Variants in ATP2B2 observed in about 807,000 individuals in gnomAD.
The protein encoded by ATP2B2 is ATPase plasma membrane Ca2+ transporting 2, also known as plasma membrane calcium-transporting ATPase 2.
In ATP2B2, 15 loss-of-function variants were observed where a neutral mutation model predicts 120.0. The ratio of observed to expected loss-of-function variants is 0.12; its 90% CI spans 0.08 to 0.19. The LOEUF (loss-of-function observed/expected upper bound fraction) is 0.19, where lower values mean the gene tolerates loss of function less well. ATP2B2 is among the 10% of genes least tolerant of loss of function. The pLI is 1.00. For missense variants in ATP2B2, 1,045 were observed against 1,719.8 expected (o/e 0.61, Z 6.94); for synonymous variants, 694 against 700.3 (o/e 0.99, Z 0.14).
chr3:10,467,841 C>G (rs2064814446), intron 1 of ATP2B2, among the ~76,000 whole-genome samples: 1 of 152,146 alleles, frequency 6.6e-6, no homozygotes, highest in Non-Finnish European at 1.5e-5. Flanking sequence ...ATAACCACCC[C>G]CTGCTGCTCC....
chr3:10,381,974 T>C (rs1274226481), intron 8 of ATP2B2, among the ~76,000 whole-genome samples: 2 of 97,966 alleles, frequency 2.0e-5, no homozygotes, highest in Admixed American at 1.8e-4. Flanking sequence ...CTCTGTGAAA[T>C]GGATATCAAC....
intron 10 of ATP2B2, among the ~76,000 whole-genome samples, chr3:10,376,789 T>G (rs549685795): frequency 6.4e-4 from 97 of 152,160 alleles, no homozygotes; most frequent in Non-Finnish European, 1.2e-3. Flanking sequence ...GACCCTAGAG[T>G]TCTGGGCAGC....
chr3:10,462,830 C>G (rs2064553786), intron 1 of ATP2B2, among the ~76,000 whole-genome samples: 1 of 152,132 alleles, frequency 6.6e-6, no homozygotes, highest in Admixed American at 6.5e-5. Flanking sequence ...CCACATCCCA[C>G]CTGATTGGCT....
chr3:10,677,958 T>C (rs1485570216), intron 1 of ATP2B2, among the ~76,000 whole-genome samples: 2 of 152,300 alleles, frequency 1.3e-5, no homozygotes, highest in African/African-American at 4.8e-5. Flanking sequence ...GCAGGTATTG[T>C]GGACATGCCC....
intron 1 of ATP2B2, among the ~76,000 whole-genome samples, chr3:10,482,879 C>CT (rs2065470971): frequency 6.6e-6 from 1 of 152,268 alleles, no homozygotes; most frequent in South Asian, 2.1e-4. Flanking sequence ...CATGAGGGCC[C>CT]TGCCCATCCA....
chr3:10,412,221 G>C (rs1024184191), intron 2 of ATP2B2, among the ~76,000 whole-genome samples: 1 of 152,184 alleles, frequency 6.6e-6, no homozygotes, highest in African/African-American at 2.4e-5. Flanking sequence ...TAAACTCCCT[G>C]GTACTGGGGT....
At chr3:10,500,904 C>G (rs1394280977) in intron 1 of ATP2B2, among the ~76,000 whole-genome samples, 1 of 152,218 alleles carries the variant, frequency 6.6e-6, no homozygotes, top group Non-Finnish European at 1.5e-5. Flanking sequence ...GGGCAGTGGG[C>G]AGGAGAAGCT....
chr3:10,559,438 C>G (rs1251779133), intron 2 of ATP2B2, among the ~76,000 whole-genome samples: 3 of 152,068 alleles, frequency 2.0e-5, no homozygotes, highest in Admixed American at 6.6e-5. Flanking sequence ...GATGGATATG[C>G]TAATTACCCT....
At chr3:10,683,766 A>G (rs1399300070) in intron 1 of ATP2B2, among the ~76,000 whole-genome samples, 5,386 of 43,886 alleles carry the variant, frequency 0.12, 186 homozygotes, top group African/African-American at 0.15. Context: ...GTGTGTATAT[A>G]TATATATATA....
At chr3:10,589,658 T>A (rs1376694346) in intron 2 of ATP2B2, among the ~76,000 whole-genome samples, 1 of 152,158 alleles carries the variant, frequency 6.6e-6, no homozygotes, top group African/African-American at 2.4e-5. Context: ...CAGCCCTTGA[T>A]GAAATCATGT....
chr3:10,422,244 T>C (rs113324723), intron 2 of ATP2B2, among the ~76,000 whole-genome samples: 1 of 152,208 alleles, frequency 6.6e-6, no homozygotes, highest in African/African-American at 2.4e-5. Context: ...ACGTGCCCCC[T>C]GTAAGAGCCA....
intron 1 of ATP2B2, among the ~76,000 whole-genome samples, chr3:10,632,914 T>A (rs1273463564): frequency 1.3e-5 from 2 of 152,232 alleles, no homozygotes; most frequent in African/African-American, 4.8e-5. Context: ...TCACCCTGAC[T>A]GGCTGGAGGG....
chr3:10,489,923 G>A (rs867780890), intron 1 of ATP2B2, among the ~76,000 whole-genome samples: 2 of 152,238 alleles, frequency 1.3e-5, no homozygotes, highest in South Asian at 2.1e-4. Flanking sequence ...CCTGCCAAGC[G>A]CTGGCCACCC....
chr3:10,679,391 C>T (rs2071327474), intron 1 of ATP2B2, among the ~76,000 whole-genome samples: 1 of 152,186 alleles, frequency 6.6e-6, no homozygotes, highest in Non-Finnish European at 1.5e-5. Context: ...GATCCTCTTT[C>T]CCTTACAAAT....
chr3:10,474,790 A>T (rs2065143434), intron 1 of ATP2B2, among the ~76,000 whole-genome samples: 1 of 152,242 alleles, frequency 6.6e-6, no homozygotes, highest in Non-Finnish European at 1.5e-5. Flanking sequence ...GCTTTTCTAA[A>T]GTGCTGGCCA....
intron 1 of ATP2B2, among the ~76,000 whole-genome samples, chr3:10,642,889 G>A (rs889035422): frequency 2.6e-5 from 4 of 152,134 alleles, no homozygotes; most frequent in Admixed American, 2.0e-4. Flanking sequence ...GTCTACCAAA[G>A]GGGTGTGCTC....
At chr3:10,360,438 T>G (rs2060865702) in intron 12 of ATP2B2, among the ~76,000 whole-genome samples, 1 of 152,248 alleles carries the variant, frequency 6.6e-6, no homozygotes, top group Non-Finnish European at 1.5e-5. Flanking sequence ...CATTATGCCG[T>G]ACTTGCCTCA....
intron 1 of ATP2B2, among the ~76,000 whole-genome samples, chr3:10,500,216 G>C (rs2066328693): frequency 6.6e-6 from 1 of 152,076 alleles, no homozygotes; most frequent in African/African-American, 2.4e-5. Context: ...TGGATTACAG[G>C]TATGAGCCAC....
intron 2 of ATP2B2, among the ~76,000 whole-genome samples, chr3:10,611,392 G>C (rs1423546160): frequency 1.3e-5 from 2 of 152,186 alleles, no homozygotes; most frequent in Non-Finnish European, 2.9e-5. Context: ...GTGTGGGAAA[G>C]TATTGGCAAA....
Sources: allele counts gnomAD v4.1 joint callset (sites outside exome capture counted in the v4.1 genomes callset), GRCh38; gene constraint gnomAD v4.1.1; transcripts MANE v1.5; gene names NCBI Gene and HGNC (gene_info 2026-07-23, HGNC 2026-07-21).